The following KMT2D variants were observed in gnomAD, a reference collection of about 807,000 sequenced individuals.
The protein encoded by KMT2D is histone-lysine N-methyltransferase 2D.
Under a neutral mutation model 512.7 loss-of-function variants are expected in KMT2D, and 55 were observed. The observed-to-expected ratio is 0.11, with a 90% confidence interval of 0.09 to 0.13. The LOEUF (loss-of-function observed/expected upper bound fraction) is 0.13, where lower values mean the gene tolerates loss of function less well. Among genes scored for constraint, KMT2D ranks in the 10% least tolerant of loss-of-function variants. The pLI is 1.00. For missense variants in KMT2D, 6,061 were observed against 7,127.9 expected (o/e 0.85, Z 5.39); for synonymous variants, 2,995 against 2,904.0 (o/e 1.03, Z -1.01).
In KMT2D at chr12:49,051,437, TCCTCAGGCCGGGGTGACAGGTGCGGCC is replaced by T. The variant is rs1269876647; in HGVS notation, c.2219_2245del (p.Gly740_Glu748del). On this transcript the variant is annotated inframe_deletion, in exon 11 of 55. Transcript: ENST00000301067. ...CTCAGGCCGGGGGGACAGGTGCGGC[TCCTCAGGCCGGGGTGACAGGTGCGGCC>T]CCTCGGACCGGGGGCAGAGTTGCGG... 3 of 1,610,376 alleles carry T rather than the reference TCCTCAGGCCGGGGTGACAGGTGCGGCC, an allele frequency of 1.9e-6. No individual in the cohort carries two copies. Among genetic ancestry groups the T allele is most frequent in the African/African-American group, 2.7e-5 (2 of 72,944 alleles).
rs1199818073 is a variant in KMT2D, at chr12:49,037,535, T to C, written c.9821A>G (p.Gln3274Arg). The C allele has an allele frequency of 1.9e-6, 3 of 1,554,560 alleles. No individual in the cohort carries two copies. In the South Asian group the frequency reaches 3.6e-5, roughly 18 times the overall value. ...QQLSAQLQPA[Q>R]QQQQQQQQHS... ...CTGCTGCTGCTGTTGCTGCTGCTGC[T>C]GGGCAGGCTGCAACTGTGCTGAAAG... Residue 3274 changes from glutamine (Q) to arginine (R), a missense_variant, in exon 35 of 55, where the codon CAG becomes CGG. Around this residue, in one of 16 missense-constraint regions of KMT2D, gnomAD observed 533 missense variants for 539.6 expected, o/e 0.99. Coordinates refer to ENST00000301067, the MANE Select transcript of KMT2D (RefSeq NM_003482.4).
In KMT2D at chr12:49,044,807, C is replaced by G. The variant is rs767489857; in HGVS notation, c.4900G>C (p.Ala1634Pro). The G allele has an allele frequency of 6.2e-6, 10 of 1,613,944 alleles. No homozygotes were observed. The highest frequency in any genetic ancestry group is 1.7e-5 in the Admixed American group (1 of 60,008). ...TCCTTCTTGTCATCAGGGCCAAGGG[C>G]ATCTGAGGGCTCAGAACCCTCCAAT... ...AGLEGSEPSD[A>P]LGPDDKKDGD... Residue 1634 changes from alanine to proline, a missense_variant, in exon 20 of 55, where the codon GCC (alanine) becomes CCC (proline). Physicochemically the swap from Ala to Pro is conservative, Grantham distance 27. This residue lies in a region of KMT2D where 640 missense variants were observed against 814.3 expected (regional missense o/e 0.79). Coordinates refer to ENST00000301067, the MANE Select transcript of KMT2D (RefSeq NM_003482.4). This position sits in a 1 kb window ranked among gnomAD's most constrained non-coding sequence, Gnocchi z 6.4.
rs2120363690 is a variant in KMT2D, at chr12:49,026,857, C to T, written c.15109G>A (p.Glu5037Lys). The change falls in exon 49 of 55, where the codon GAG becomes AAG. Residue 5037 changes from glutamate (E) to lysine (K), a missense_variant. Physicochemically the swap from Glu to Lys is moderately conservative, Grantham distance 56. Coordinates refer to ENST00000301067, the MANE Select transcript of KMT2D (RefSeq NM_003482.4). The surrounding 1 kb of genome is among the most constrained non-coding windows in gnomAD (Gnocchi z 9.6). ...CCATCAGTGGCCCCGTCACCCTCCT[C>T]ATGACAGAAACAGCAGCGACGCATG... ...RDMRRCCFCHEEGDGATDGPA... is the reference protein window; with the variant it reads ...RDMRRCCFCHKEGDGATDGPA... 1.9e-6 allele frequency: 3 copies of T among 1,614,014 alleles called. No individual in the cohort carries two copies. Among genetic ancestry groups the T allele is most frequent in the Non-Finnish European group, 2.5e-6 (3 of 1,179,888 alleles).
In KMT2D at chr12:49,059,964, GCCC is replaced by G. The variant is rs1202239248; in HGVS notation, c.-392_-390del. On this transcript the variant is annotated 5_prime_UTR_variant, in exon 1 of 55. Coordinates refer to ENST00000301067, the MANE Select transcript of KMT2D (RefSeq NM_003482.4). ...CTCTCAGTCCTAGGGCCCGGCCAGCGCCCCGGCCGCCCGCGCCGGGCTCGGGCG... is the reference window on the plus strand; with the variant it reads ...CTCTCAGTCCTAGGGCCCGGCCAGCGCGGCCGCCCGCGCCGGGCTCGGGCG... 6.6e-6 allele frequency among the ~76,000 whole-genome samples: 1 copy of G among 151,708 alleles called. No individual in the cohort carries two copies. Among genetic ancestry groups the G allele is most frequent in the African/African-American group, 2.4e-5 (1 of 41,352 alleles).
In KMT2D at chr12:49,038,805, C is replaced by G. The variant is rs1406984753; in HGVS notation, c.8551G>C (p.Gly2851Arg). ...PGPELGRQAL[G>R]SPLAGISTRL... The stretch of plus-strand genomic sequence containing the variant: ...GTGGAAATTCCCGCCAACGGGGAAC[C>G]TAGGGCTTGGCGGCCAAGTTCAGGT... The change falls in exon 35 of 55, where the codon GGT becomes CGT. Residue 2851 changes from glycine to arginine, a missense_variant. By Grantham distance (125) the Gly-to-Arg change is moderately radical (BLOSUM62 -2). This residue lies in a region of KMT2D where 527 missense variants were observed against 578.9 expected (regional missense o/e 0.91). Transcript: ENST00000301067. This position sits in a 1 kb window ranked among gnomAD's most constrained non-coding sequence, Gnocchi z 5.7. The G allele has an allele frequency of 1.3e-6, 2 of 1,576,998 alleles. No individual in the cohort carries two copies. Among genetic ancestry groups the G allele is most frequent in the Non-Finnish European group, 1.7e-6 (2 of 1,161,042 alleles).
rs1348233264 is a variant in KMT2D, at chr12:49,038,687, G to A, written c.8669C>T (p.Pro2890Leu). Residue 2890 changes from proline (P) to leucine (L), a missense_variant, in exon 35 of 55, where the codon CCT (proline) becomes CTT (leucine). Around this residue, in one of 16 missense-constraint regions of KMT2D, gnomAD observed 527 missense variants for 578.9 expected, o/e 0.91. Transcript: ENST00000301067. This position sits in a 1 kb window ranked among gnomAD's most constrained non-coding sequence, Gnocchi z 5.7. ...CTGACCAGGAAACGGAGTGCCCCCA[G>A]GTCCCAGTCCTTTCTGTACATTGTG... ...LRHNVQKGLG[P>L]GGTPFPGQGP... The A allele has an allele frequency of 1.2e-6, 2 of 1,612,428 alleles. No homozygotes were observed. The highest frequency in any genetic ancestry group is 3.3e-5 in the Admixed American group (2 of 59,848).
At chr12:49,028,800 T>A (rs755745811) in intron 46 of KMT2D, 28 bp downstream of exon 46, 1 of 1,611,242 alleles carries the variant, frequency 6.2e-7, no homozygotes. Flanking sequence ...CAGGTTCCCC[T>A]CAGCCTCGAG....
intron 1 of KMT2D, among the ~76,000 whole-genome samples, chr12:49,057,090 A>C (rs1051747729): frequency 6.6e-5 from 10 of 152,298 alleles, no homozygotes; most frequent in African/African-American, 2.4e-4. Context: ...CGGCTCGTAC[A>C]AAAGCTGCTC....
Position 49,052,320 on chromosome 12 carries a change from C to T in KMT2D, c.1363G>A (p.Glu455Lys). ...TCAGGTGGTGGGGACGTGGGTGATTCCTCAGGTGGTGGGGACAGGGGTGAC... is the reference window on the plus strand; with the variant it reads ...TCAGGTGGTGGGGACGTGGGTGATTTCTCAGGTGGTGGGGACAGGGGTGAC... ...EESPLSPPPE[E>K]SPTSPPPEAS... Residue 455 changes from glutamate to lysine, a missense_variant, in exon 11 of 55, where the codon GAA becomes AAA. Coordinates refer to ENST00000301067, the MANE Select transcript of KMT2D (RefSeq NM_003482.4). 3 of 1,578,258 alleles carry T rather than the reference C, an allele frequency of 1.9e-6. No individual in the cohort carries two copies. The highest frequency in any genetic ancestry group is 2.6e-6 in the Non-Finnish European group (3 of 1,160,264).
In KMT2D at chr12:49,033,608, G is replaced by A; in HGVS notation, c.11097C>T (p.Phe3699=). The part of the protein sequence containing the change: ...AGSLAGPSGG[F]FPGNLALRSL... ...TTCGAAGAGCAAGGTTGCCAGGGAA[G>A]AAGCCCCCTGAAGGGCCAGCCAGGG... The change falls in exon 40 of 55, where the codon TTC becomes TTT. Residue 3699 remains phenylalanine (F), a synonymous_variant. Transcript: ENST00000301067. The A allele has an allele frequency of 6.2e-7, 1 of 1,613,624 alleles. No homozygotes were observed. Among genetic ancestry groups the A allele is most frequent in the Non-Finnish European group, 8.5e-7 (1 of 1,179,868 alleles).
chr12:49,040,797 C>A lies in KMT2D; in HGVS notation c.6973G>T (p.Asp2325Tyr), dbSNP rs2120535191. Reference sequence around the variant, plus strand: ...GGGGTCAGGGGGGCTTTGAAGACATCAGGTGTCTTTAACTCCAGGCCACCC... The same window carrying A: ...GGGGTCAGGGGGGCTTTGAAGACATAAGGTGTCTTTAACTCCAGGCCACCC... ...HLGGLELKTP[D>Y]VFKAPLTPRA... Residue 2325 changes from aspartate (D) to tyrosine (Y), a missense_variant, in exon 32 of 55, where the codon GAT (aspartate) becomes TAT (tyrosine). Around this residue, in one of 16 missense-constraint regions of KMT2D, gnomAD observed 710 missense variants for 647.3 expected, o/e 1.10. Coordinates refer to ENST00000301067, the MANE Select transcript of KMT2D (RefSeq NM_003482.4). The A allele has an allele frequency of 6.2e-7, 1 of 1,613,650 alleles. No homozygotes were observed. The highest frequency in any genetic ancestry group is 8.5e-7 in the Non-Finnish European group (1 of 1,179,736).
In KMT2D at chr12:49,038,513, G is replaced by A. The variant is rs189242647; in HGVS notation, c.8843C>T (p.Pro2948Leu). The A allele has an allele frequency of 6.2e-7, 1 of 1,607,472 alleles. No individual in the cohort carries two copies. The highest frequency in any genetic ancestry group is 1.7e-5 in the Admixed American group (1 of 59,746). Residue 2948 changes from proline (P) to leucine (L), a missense_variant, in exon 35 of 55, where the codon CCA becomes CTA. By Grantham distance (98) the Pro-to-Leu change is moderately conservative. This residue lies in a region of KMT2D where 527 missense variants were observed against 578.9 expected (regional missense o/e 0.91). Coordinates refer to ENST00000301067, the MANE Select transcript of KMT2D (RefSeq NM_003482.4). The surrounding 1 kb of genome is among the most constrained non-coding windows in gnomAD (Gnocchi z 5.7). ...PAPELNNSLH[P>L]TPHTKGPTLP... ...GGTAGGACCCTTGGTGTGGGGTGTT[G>A]GATGAAGACTGTTGTTCAATTCAGG...
chr12:49,051,817 C>G lies in KMT2D; in HGVS notation c.1866G>C (p.Glu622Asp), dbSNP rs1938061704. Residue 622 changes from glutamate (E) to aspartate (D), a missense_variant, in exon 11 of 55, where the codon GAG (glutamate) becomes GAC (aspartate). Transcript: ENST00000301067. Reference sequence around the variant, plus strand: ...CAGGTGGTGGGGACAGGCGTGATGCCTCAGGTGGTGGGGAAAGGGGAGACT... The same window carrying G: ...CAGGTGGTGGGGACAGGCGTGATGCGTCAGGTGGTGGGGAAAGGGGAGACT... ...PEESPLSPPP[E>D]ASRLSPPPED... is the part of the protein sequence containing the mutation. The G allele has an allele frequency of 6.2e-7, 1 of 1,608,318 alleles. No homozygotes were observed. The highest frequency in any genetic ancestry group is 8.5e-7 in the Non-Finnish European group (1 of 1,177,634).
At position 49,031,749 on chromosome 12, in the gene KMT2D, C is replaced by T. The variant is rs920422129; in HGVS notation, c.12956G>A (p.Arg4319Lys). The stretch of plus-strand genomic sequence containing the variant: ...GCTGGGGGAAGGTAATTGTGAAGGT[C>T]TCTTTGGCTCTTGAGGGCTGGATGG... ...PPPSSPQEPK[R>K]PSQLPSPSSQ... The change falls in exon 40 of 55, where the codon AGA becomes AAA. Residue 4319 changes from arginine (R) to lysine (K), a missense_variant. Physicochemically the swap from Arg to Lys is conservative, Grantham distance 26 (BLOSUM62 2). Transcript: ENST00000301067. The T allele has an allele frequency of 2.5e-6, 4 of 1,612,878 alleles. No homozygotes were observed. In the Admixed American group the frequency reaches 6.7e-5, roughly 27 times the overall value.
At position 49,053,301 on chromosome 12, in the gene KMT2D, T is replaced by C. The variant is rs1233409629; in HGVS notation, c.860A>G (p.Lys287Arg). 2.5e-6 allele frequency: 4 copies of C among 1,613,780 alleles called. No homozygotes were observed. The highest frequency in any genetic ancestry group is 3.4e-6 in the Non-Finnish European group (4 of 1,179,822). The stretch of plus-strand genomic sequence containing the variant: ...GTCACACGTCTCACAAACCAACATC[T>C]TAGAGTCATTCCCAGGTTTCCTGCA... ...QACRKPGNDS[K>R]MLVCETCDKG... is the part of the protein sequence containing the mutation. The change falls in exon 8 of 55, where the codon AAG (lysine) becomes AGG (arginine). Residue 287 changes from lysine to arginine, a missense_variant. Around this residue, in one of 16 missense-constraint regions of KMT2D, gnomAD observed 160 missense variants for 225.8 expected, o/e 0.71. Transcript: ENST00000301067.
rs575775792 is a variant in KMT2D at position 49,040,128 on chromosome 12, T to C, written c.7642A>G (p.Lys2548Glu). The change falls in exon 32 of 55, where the codon AAG (lysine) becomes GAG (glutamate). Residue 2548 changes from lysine to glutamate, a missense_variant. Transcript: ENST00000301067. ...AGACCAGGCTGAGGGACAGGGGGCT[T>C]TAGGGAAGGCTCCCCTACTGCCTGA... ...FPQAVGEPSL[K>E]PPVPQPGLPP... The C allele has an allele frequency of 5.0e-6, 8 of 1,613,768 alleles. No individual in the cohort carries two copies. In the East Asian group the frequency reaches 1.8e-4, roughly 36 times the overall value.
rs1231381730 is a variant in KMT2D at position 49,055,258 on chromosome 12, A to T, written c.49+18T>A. 2 of 1,613,606 alleles carry T rather than the reference A, an allele frequency of 1.2e-6. No individual in the cohort carries two copies. The highest frequency in any genetic ancestry group is 1.7e-6 in the Non-Finnish European group (2 of 1,179,634). On this transcript the variant is annotated intron_variant, in intron 2 of 54. Coordinates refer to ENST00000301067, the MANE Select transcript of KMT2D (RefSeq NM_003482.4). ...GCCAATGAAATCTAAAAGCAAACAA[A>T]CAATTTGTCCTACTCACCTGCCGGT...
chr12:49,028,328 C>A lies in KMT2D; in HGVS notation c.14383-187G>T, dbSNP rs367779032. ...TTTCCCAAACTGCTGTGGGCACTGA[C>A]GGGAGCTCCACGAAAAGGGAACTAC... On this transcript the variant is annotated intron_variant, in intron 46 of 54. Coordinates refer to ENST00000301067, the MANE Select transcript of KMT2D (RefSeq NM_003482.4). 4.6e-5 allele frequency among the ~76,000 whole-genome samples: 7 copies of A among 152,292 alleles called. No individual in the cohort carries two copies. The East Asian group carries it at 1.3e-3, about 29-fold the overall frequency.
rs1565790749 is a variant in KMT2D at position 49,039,464 on chromosome 12, G to C, written c.8200C>G (p.Arg2734Gly). 1.2e-6 allele frequency: 2 copies of C among 1,604,672 alleles called. No homozygotes were observed. The highest frequency in any genetic ancestry group is 1.7e-6 in the Non-Finnish European group (2 of 1,174,254). ...GTCCCAGCAAAGGGGGTCTGGCCTC[G>C]ACTCAGCTGCTCAAAGGCAGGGCTG... Reference protein sequence around the residue: ...PSSPAFEQLSRGQTPFAGTQD... With the variant: ...PSSPAFEQLSGGQTPFAGTQD... The change falls in exon 33 of 55, where the codon CGA (arginine) becomes GGA (glycine). Residue 2734 changes from arginine to glycine, a missense_variant. Transcript: ENST00000301067. The surrounding 1 kb of genome is among the most constrained non-coding windows in gnomAD (Gnocchi z 5.0).
Sources: allele counts gnomAD v4.1 joint callset (sites outside exome capture counted in the v4.1 genomes callset), GRCh38; gene constraint gnomAD v4.1.1; regional missense constraint gnomAD v4.1.1; non-coding constraint Gnocchi (gnomAD v3.1); transcripts MANE v1.5; gene names NCBI Gene and HGNC (gene_info 2026-07-23, HGNC 2026-07-21).